Variants in CEP162 observed in about 807,000 individuals in gnomAD.
CEP162 encodes centrosomal protein of 162 kDa.
A neutral mutation model predicts 169.2 loss-of-function variants in CEP162; 141 were observed. That is an observed-to-expected ratio of 0.83 (90% CI 0.73 to 0.96). CEP162 has a LOEUF of 0.96. CEP162 is among the 40% of genes least tolerant of loss of function. The pLI, the probability that CEP162 is intolerant of heterozygous loss-of-function variation, is 0.00. For synonymous variants in CEP162, 540 were observed against 526.4 expected (o/e 1.03, Z -0.35); for missense variants, 1,600 against 1,587.2 (o/e 1.01, Z -0.14).
intron 21 of CEP162, among the ~76,000 whole-genome samples, 174 bp downstream of exon 21, chr6:84,160,638 G>C (rs1013948825): frequency 7.9e-5 from 12 of 152,120 alleles, no homozygotes; most frequent in Non-Finnish European, 1.8e-4. Flanking sequence ...TAAAAATTAT[G>C]TAATTATAAA....
rs540419191 is a variant in CEP162, at chr6:84,208,016, T to C, written c.572-3920A>G. 2.1e-3 allele frequency among the ~76,000 whole-genome samples: 303 copies of C among 146,260 alleles called. 13 individuals carry two copies. The South Asian group carries it at 0.059, about 29-fold the overall frequency. The stretch of plus-strand genomic sequence containing the variant: ...GGTTGGATTTTGTTTTTCAGGTTGA[T>C]TGATTTTTTTTTTTTTTTTTTGTCT... On this transcript the variant is annotated intron_variant, in intron 6 of 26. Coordinates refer to ENST00000403245, the MANE Select transcript of CEP162 (RefSeq NM_014895.4).
At chr6:84,214,582 A>G (rs2099550819) in intron 5 of CEP162, among the ~76,000 whole-genome samples, 1 of 152,214 alleles carries the variant, frequency 6.6e-6, no homozygotes, top group South Asian at 2.1e-4. Flanking sequence ...TCCACTGTCT[A>G]TAAAAAACTA....
chr6:84,201,744 A>G lies in CEP162; in HGVS notation c.711T>C (p.Leu237=). The stretch of plus-strand genomic sequence containing the variant: ...AATATAAATAATATTTACCATTAGC[A>G]AGCATGCCAGTTTTTTCTTCTTCCT... ...PKQEEEKTGM[L]ANVVLLDSLD... is the part of the protein sequence containing the mutation. The change falls in exon 8 of 27, where the codon CTT becomes CTC. Residue 237 remains leucine (L), a synonymous_variant. Coordinates refer to ENST00000403245, the MANE Select transcript of CEP162 (RefSeq NM_014895.4). 7.5e-7 allele frequency: 1 copy of G among 1,339,068 alleles called. No homozygotes were observed. Among genetic ancestry groups the G allele is most frequent in the Non-Finnish European group, 1.0e-6 (1 of 967,166 alleles). 82.9% of individuals were successfully genotyped at this position (1,339,068 alleles called of 1,614,324 possible). A position where few individuals can be genotyped will look rare whatever the true frequency, so the allele number is the denominator to read the frequency against.
chr6:84,141,835 G>A (rs1474905391), intron 25 of CEP162, among the ~76,000 whole-genome samples: 1 of 151,858 alleles, frequency 6.6e-6, no homozygotes, highest in African/African-American at 2.4e-5. Flanking sequence ...CTTATATTTT[G>A]GGCCTCCATT....
chr6:84,174,857 AG>A lies in CEP162; in HGVS notation c.1894del (p.Leu632Ter). ...GAATGTGGCTTTAATTTGCTCAATT[AG>A]GGCTTGCGCACCCCTCCATTTATCC... ...AEDKWRGAQA[L>X]IEQIKATFSE... On this transcript the variant is annotated frameshift_variant, in exon 15 of 27. Coordinates refer to ENST00000403245, the MANE Select transcript of CEP162 (RefSeq NM_014895.4). LOFTEE classifies it high-confidence loss of function. 1 of 1,610,642 alleles carries A rather than the reference AG, an allele frequency of 6.2e-7. No individual in the cohort carries two copies. The highest frequency in any genetic ancestry group is 1.7e-4 in the Middle Eastern group (1 of 6,054).
chr6:84,192,265 A>G (rs1429560015), intron 11 of CEP162, among the ~76,000 whole-genome samples: 1 of 152,280 alleles, frequency 6.6e-6, no homozygotes, highest in African/African-American at 2.4e-5. Context: ...TCTATTACGT[A>G]TGATTACTGT....
intron 6 of CEP162, among the ~76,000 whole-genome samples, chr6:84,208,937 T>A (rs2099548383): frequency 6.6e-6 from 1 of 152,238 alleles, no homozygotes; most frequent in Non-Finnish European, 1.5e-5. Flanking sequence ...CCCTCGAGAT[T>A]AGACTTGCTT....
chr6:84,216,732 G>C (rs1278625224), intron 3 of CEP162, among the ~76,000 whole-genome samples: 1 of 152,116 alleles, frequency 6.6e-6, no homozygotes, highest in Non-Finnish European at 1.5e-5. Context: ...AATATATGTG[G>C]AGAGAATTGA....
At chr6:84,178,224 TA>T (rs1177634959) in intron 13 of CEP162, among the ~76,000 whole-genome samples, 2 of 152,186 alleles carry the variant, frequency 1.3e-5, no homozygotes, top group Non-Finnish European at 2.9e-5. Context: ...TTAATAATGT[TA>T]AAAAATTGTT....
chr6:84,132,488 C>T (rs907481607), intron 25 of CEP162, among the ~76,000 whole-genome samples: 3 of 152,196 alleles, frequency 2.0e-5, no homozygotes, highest in Non-Finnish European at 4.4e-5. Context: ...ACCAATCAGA[C>T]ATAGATTTGG....
chr6:84,185,370 C>T lies in CEP162; in HGVS notation c.1480G>A (p.Ala494Thr), dbSNP rs569114684. 3.7e-6 allele frequency: 6 copies of T among 1,613,554 alleles called. No homozygotes were observed. The Admixed American group carries it at 1.0e-4, about 27-fold the overall frequency. The change falls in exon 13 of 27, where the codon GCA (alanine) becomes ACA (threonine). Residue 494 changes from alanine to threonine, a missense_variant. Transcript: ENST00000403245. Reference sequence around the variant, plus strand: ...GGTTTCCTTTTAAGTAAAGGAGGTGCACTTCTGGCCTTCTTGTATGGTACC... The same window carrying T: ...GGTTTCCTTTTAAGTAAAGGAGGTGTACTTCTGGCCTTCTTGTATGGTACC... ...KQVPYKKARS[A>T]PPLLKRKPQS...
Position 84,175,325 on chromosome 6 carries a change from G to C in CEP162, c.1686C>G (p.Leu562=). ...GTTTATCCAAAGCTGCAGGCTTGATGAGTTTTGTTCCAGATAAGATTTCTA... is the reference window on the plus strand; with the variant it reads ...GTTTATCCAAAGCTGCAGGCTTGATCAGTTTTGTTCCAGATAAGATTTCTA... ...RKKEILSGTK[L]IKPAALDKPA... The change falls in exon 14 of 27, where the codon CTC becomes CTG. Residue 562 remains leucine, a synonymous_variant. Coordinates refer to ENST00000403245, the MANE Select transcript of CEP162 (RefSeq NM_014895.4). The C allele has an allele frequency of 6.5e-7, 1 of 1,544,350 alleles. No individual in the cohort carries two copies. Among genetic ancestry groups the C allele is most frequent in the Non-Finnish European group, 8.7e-7 (1 of 1,143,756 alleles).
At chr6:84,140,077 A>ACTGGTCT (rs1167413146) in intron 25 of CEP162, among the ~76,000 whole-genome samples, 1 of 149,960 alleles carries the variant, frequency 6.7e-6, no homozygotes, top group Non-Finnish European at 1.5e-5. Flanking sequence ...CACTGAGAAC[A>ACTGGTCT]CTGGTCTCTG....
intron 21 of CEP162, among the ~76,000 whole-genome samples, chr6:84,160,067 G>A (rs904354782): frequency 9.2e-5 from 14 of 151,912 alleles, no homozygotes; most frequent in Admixed American, 5.2e-4. Context: ...TCACAGTTTC[G>A]GATTCATGAT....
chr6:84,213,362 C>T (rs554960434), intron 5 of CEP162, among the ~76,000 whole-genome samples: 6 of 152,216 alleles, frequency 3.9e-5, no homozygotes, highest in African/African-American at 9.6e-5. Context: ...TAGAAACTGA[C>T]CACAAGCTAT....
chr6:84,148,184 T>C (rs915249926), intron 24 of CEP162, among the ~76,000 whole-genome samples: 4 of 151,864 alleles, frequency 2.6e-5, no homozygotes, highest in African/African-American at 9.7e-5. Context: ...ACTTTAAGTA[T>C]TTTTCATTAA....
At chr6:84,128,036 C>A (rs1474619853) in intron 25 of CEP162, among the ~76,000 whole-genome samples, 1 of 152,220 alleles carries the variant, frequency 6.6e-6, no homozygotes, top group African/African-American at 2.4e-5. Context: ...TGACTCCTCA[C>A]ATAAAATGTA....
At chr6:84,164,702 G>T (rs534869005) in intron 18 of CEP162, among the ~76,000 whole-genome samples, 1 of 152,184 alleles carries the variant, frequency 6.6e-6, no homozygotes, top group African/African-American at 2.4e-5. Flanking sequence ...GTCGGGGGGT[G>T]AGGGGCAAGG....
chr6:84,188,229 T>C (rs952078198), intron 11 of CEP162, among the ~76,000 whole-genome samples: 3 of 152,220 alleles, frequency 2.0e-5, no homozygotes, highest in African/African-American at 7.2e-5. Context: ...AAAGCAGATT[T>C]AAAACCTTTG....
Sources: allele counts gnomAD v4.1 joint callset (sites outside exome capture counted in the v4.1 genomes callset), GRCh38; gene constraint gnomAD v4.1.1; transcripts MANE v1.5; gene names NCBI Gene and HGNC (gene_info 2026-07-23, HGNC 2026-07-21).